Variants in ASGR1 observed in about 807,000 individuals in gnomAD.
ASGR1 encodes the protein asialoglycoprotein receptor 1.
Under a neutral mutation model 33.1 loss-of-function variants are expected in ASGR1, and 35 were observed. The observed-to-expected ratio is 1.06, with a 90% CI of 0.81 to 1.40. The LOEUF is 1.40. ASGR1 is among the 40% of genes most tolerant of loss of function. The pLI is 0.00. For synonymous variants in ASGR1, 142 were observed against 152.5 expected (o/e 0.93, Z 0.51); for missense variants, 396 against 373.7 (o/e 1.06, Z -0.49).
In ASGR1 at chr17:7,176,903, T is replaced by C. The variant is rs113717414; in HGVS notation, c.284-2A>G. On this transcript the variant is annotated splice_acceptor_variant, in intron 4 of 8. Coordinates refer to ENST00000269299, the MANE Select transcript of ASGR1 (RefSeq NM_001671.5). LOFTEE classifies it high-confidence loss of function. ...TCATCTTTCTTCCCACATTGCCTCCTGCGGGAGAGGCTCGCTCAGCGTTCC... is the reference window on the plus strand; with the variant it reads ...TCATCTTTCTTCCCACATTGCCTCCCGCGGGAGAGGCTCGCTCAGCGTTCC... 4.3e-6 allele frequency: 7 copies of C among 1,613,052 alleles called. No homozygotes were observed. The highest frequency in any genetic ancestry group is 5.9e-6 in the Non-Finnish European group (7 of 1,180,012).
rs2069158482 is a variant in ASGR1, at chr17:7,173,533, T to A, written c.*126A>T. ...TTTCAAGCTCCTCACCTTCGGAACA[T>A]CACCCTATCCTTCCCCTTCCCTTAA... On this transcript the variant is annotated 3_prime_UTR_variant, in exon 9 of 9. Coordinates refer to ENST00000269299, the MANE Select transcript of ASGR1 (RefSeq NM_001671.5). The surrounding 1 kb of genome is among the most constrained non-coding windows in gnomAD (Gnocchi z 4.7). The A allele has an allele frequency of 2.3e-6, 3 of 1,323,034 alleles. No individual in the cohort carries two copies. The highest frequency in any genetic ancestry group is 3.1e-6 in the Non-Finnish European group (3 of 970,582). The allele number at this position is 1,323,034 out of a possible 1,614,324, so 82.0% of individuals were successfully genotyped here.
Position 7,176,791 on chromosome 17 carries a change from TTCACA to T in ASGR1, c.355+34_355+38del, listed in dbSNP as rs746511379. The T allele has an allele frequency of 3.4e-6, 5 of 1,483,050 alleles. No individual in the cohort carries two copies. In the African/African-American group the frequency reaches 8.8e-5, roughly 26 times the overall value. 91.9% of individuals were successfully genotyped at this position (1,483,050 alleles called of 1,614,324 possible). ...ACACATCCACACATTCTCACTCTCTTTCACACACACACACACACACACACACTCCC... is the reference window on the plus strand; with the variant it reads ...ACACATCCACACATTCTCACTCTCTTCACACACACACACACACACACTCCC... On this transcript the variant is annotated intron_variant, in intron 5 of 8. Coordinates refer to ENST00000269299, the MANE Select transcript of ASGR1 (RefSeq NM_001671.5).
intron 5 of ASGR1, among the ~76,000 whole-genome samples, chr17:7,175,364 C>T (rs954955245): frequency 6.7e-6 from 1 of 149,618 alleles, no homozygotes. Flanking sequence ...ACACAACACA[C>T]CCTCACCCAA....
intron 5 of ASGR1, among the ~76,000 whole-genome samples, chr17:7,176,282 ATC>A (rs956597033): frequency 8.2e-5 from 10 of 122,064 alleles, no homozygotes; most frequent in Non-Finnish European, 1.2e-4. Context: ...CACACACCCC[ATC>A]TCATTCTCAC....
intron 2 of ASGR1, 123 bp downstream of exon 2, chr17:7,178,371 G>A (rs2142770945): frequency 9.7e-7 from 1 of 1,031,858 alleles, no homozygotes; most frequent in East Asian, 2.4e-5. Flanking sequence ...CTTTCCCAGT[G>A]TTGGGGGAGG....
chr17:7,178,827 C>G, intron 1 of ASGR1: 1 of 326,218 alleles, frequency 3.1e-6, no homozygotes, highest in Non-Finnish European at 5.5e-6. Context: ...ACCTCTGCCT[C>G]CCGGGTTCAA....
intron 5 of ASGR1, among the ~76,000 whole-genome samples, chr17:7,175,785 A>T (rs369980983): frequency 0.021 from 3,121 of 146,966 alleles, 81 homozygotes; most frequent in African/African-American, 0.064. Context: ...ACAGGCTCTC[A>T]CACACACACA....
chr17:7,178,733 CTTTTCTTTTTTTTTT>C, intron 1 of ASGR1, 145 bp from the exon 2 acceptor site: 2 of 192,628 alleles, frequency 1.0e-5, no homozygotes, highest in Non-Finnish European at 2.0e-5. Context: ...TCTTTTTTTT[CTTTTCTTTTTTTTTT>C]TTTTTTTGAG....
At chr17:7,176,473 TCTCA>T (rs1234708611) in intron 5 of ASGR1, 2 of 345,024 alleles carry the variant, frequency 5.8e-6, no homozygotes, top group South Asian at 2.9e-5. Flanking sequence ...CCACAGACTG[TCTCA>T]CACACACTCT....
chr17:7,178,526 T>C lies in ASGR1; in HGVS notation c.38A>G (p.Asn13Ser). 1 of 1,614,036 alleles carries C rather than the reference T, an allele frequency of 6.2e-7. No homozygotes were observed. Among genetic ancestry groups the C allele is most frequent in the Non-Finnish European group, 8.5e-7 (1 of 1,179,990 alleles). Reference sequence around the variant, plus strand: ...GAGCTGATGGTGGTCACTCTCCTCATTGTCCAGATGCTGAAGGTCTTGATA... The same window carrying C: ...GAGCTGATGGTGGTCACTCTCCTCACTGTCCAGATGCTGAAGGTCTTGATA... ...KEYQDLQHLD[N>S]EESDHHQLRK... is the part of the protein sequence containing the mutation. The change falls in exon 2 of 9, where the codon AAT (asparagine) becomes AGT (serine). Residue 13 changes from asparagine (N) to serine (S), a missense_variant. Coordinates refer to ENST00000269299, the MANE Select transcript of ASGR1 (RefSeq NM_001671.5).
chr17:7,175,385 A>G (rs1050667296), intron 5 of ASGR1, among the ~76,000 whole-genome samples: 3 of 139,948 alleles, frequency 2.1e-5, no homozygotes, highest in Non-Finnish European at 4.7e-5. Context: ...ACACACACAA[A>G]AACCACAACA....
chr17:7,177,157 T>C, intron 3 of ASGR1, 53 bp downstream of exon 3: 1 of 1,611,984 alleles, frequency 6.2e-7, no homozygotes, highest in Non-Finnish European at 8.5e-7. Flanking sequence ...CTTGCCACGG[T>C]CCCCCGTCAA....
At chr17:7,178,742 T>TC (rs2142771975) in intron 1 of ASGR1, 154 bp from the exon 2 acceptor site, 1 of 471,882 alleles carries the variant, frequency 2.1e-6, no homozygotes, top group South Asian at 3.5e-5. Context: ...TCTTTTCTTT[T>TC]TTTTTTTTTT....
In ASGR1 at chr17:7,173,768, G is replaced by A; in HGVS notation, c.767C>T (p.Ala256Val). ...GHGLGGGEDC[A>V]HFTDDGRWND... ...CCAGCGGCCGTCGTCGGTGAAGTGGGCACAGTCCTCGCCTCCTCCGAGCCC... is the reference window on the plus strand; with the variant it reads ...CCAGCGGCCGTCGTCGGTGAAGTGGACACAGTCCTCGCCTCCTCCGAGCCC... Residue 256 changes from alanine to valine, a missense_variant, in exon 9 of 9, where the codon GCC becomes GTC. Ala to Val is a moderately conservative substitution (Grantham distance 64). Coordinates refer to ENST00000269299, the MANE Select transcript of ASGR1 (RefSeq NM_001671.5). This position sits in a 1 kb window ranked among gnomAD's most constrained non-coding sequence, Gnocchi z 4.7. The A allele has an allele frequency of 6.2e-7, 1 of 1,613,376 alleles. No individual in the cohort carries two copies. The highest frequency in any genetic ancestry group is 8.5e-7 in the Non-Finnish European group (1 of 1,180,014).
At chr17:7,178,683 C>A in intron 1 of ASGR1, 95 bp from the exon 2 acceptor site, 1 of 704,832 alleles carries the variant, frequency 1.4e-6, no homozygotes, top group Admixed American at 2.9e-5. Context: ...TGATTGACGG[C>A]TCCATCATGG....
At position 7,176,965 on chromosome 17, in the gene ASGR1, G is replaced by GCCCCT; in HGVS notation, c.283+15_283+16insAGGGG. Reference sequence around the variant, plus strand: ...CAGCCCCAGCCCCAGCCCCAGCCCCGCCCCAGCGCCCTCACCCTGGGTGCT... The same window carrying GCCCCT: ...CAGCCCCAGCCCCAGCCCCAGCCCCGCCCCTCCCCAGCGCCCTCACCCTGGGTGCT... On this transcript the variant is annotated intron_variant, in intron 4 of 8. Coordinates refer to ENST00000269299, the MANE Select transcript of ASGR1 (RefSeq NM_001671.5). The GCCCCT allele has an allele frequency of 2.8e-6, 2 of 719,248 alleles. No individual in the cohort carries two copies. Among genetic ancestry groups the GCCCCT allele is most frequent in the Non-Finnish European group, 4.5e-6 (2 of 444,118 alleles). 44.6% of individuals were successfully genotyped at this position (719,248 alleles called of 1,614,324 possible).
intron 5 of ASGR1, 104 bp from the exon 6 acceptor site, chr17:7,174,564 C>G: frequency 1.7e-6 from 2 of 1,199,440 alleles, no homozygotes; most frequent in Non-Finnish European, 1.2e-6. Context: ...ACCCGAACAC[C>G]CGTCGCATTG....
chr17:7,177,187 C>A (rs1308047305), intron 3 of ASGR1, 23 bp downstream of exon 3: 2 of 1,612,726 alleles, frequency 1.2e-6, no homozygotes, highest in Admixed American at 3.3e-5. Context: ...ATGTTGCCCC[C>A]TTCCCACCCC....
chr17:7,177,170 C>T, intron 3 of ASGR1, 40 bp downstream of exon 3: 6 of 1,611,750 alleles, frequency 3.7e-6, no homozygotes, highest in East Asian at 4.5e-5. Flanking sequence ...CCCGTCAACA[C>T]CCCCCAATGT....
Sources: gnomAD v4.1 joint callset for allele counts (sites outside exome capture counted in the v4.1 genomes callset) on GRCh38, gnomAD v4.1.1 for gene constraint, Gnocchi (gnomAD v3.1) non-coding constraint, MANE v1.5 for transcripts, NCBI Gene and HGNC (gene_info 2026-07-23, HGNC 2026-07-21) for gene names.